The following COL11A1 variants were observed in gnomAD, a reference collection of about 807,000 sequenced individuals.
The protein encoded by COL11A1 is collagen type XI alpha 1 chain.
A neutral mutation model predicts 265.2 loss-of-function variants in COL11A1; 74 were observed. The observed-to-expected ratio is 0.28, with a 90% confidence interval of 0.23 to 0.34. COL11A1 has a LOEUF of 0.34. Among genes scored for constraint, COL11A1 ranks in the 10% least tolerant of loss-of-function variants. The pLI is 1.00. For missense variants in COL11A1, 2,165 were observed against 2,263.6 expected (o/e 0.96, Z 0.88); for synonymous variants, 816 against 727.6 (o/e 1.12, Z -1.96).
chr1:103,070,098 T>C (rs1418388641), intron 4 of COL11A1, among the ~76,000 whole-genome samples: 1 of 151,478 alleles, frequency 6.6e-6, no homozygotes, highest in Non-Finnish European at 1.5e-5. Context: ...GACATGAATG[T>C]TTATAGTGGC....
rs771410443 is a variant in COL11A1, at chr1:102,921,478, A to G, written c.3708+40T>C. 122 of 1,502,834 alleles carry G rather than the reference A, an allele frequency of 8.1e-5. 2 individuals carry two copies. In the South Asian group the frequency reaches 1.3e-3, roughly 16 times the overall value. 93.1% of individuals were successfully genotyped at this position (1,502,834 alleles called of 1,614,324 possible). A position where few individuals can be genotyped will look rare whatever the true frequency, so the allele number is the denominator to read the frequency against. Reference sequence around the variant, plus strand: ...TCTGCTATAAAATAACAATACCTATATAACTTCAAAATAATTAACATATAT... The same window carrying G: ...TCTGCTATAAAATAACAATACCTATGTAACTTCAAAATAATTAACATATAT... On this transcript the variant is annotated intron_variant, in intron 48 of 66. Transcript: ENST00000370096.
chr1:102,899,147 A>T (rs981242672), intron 54 of COL11A1, among the ~76,000 whole-genome samples, 153 bp from the exon 55 acceptor site: 1 of 151,954 alleles, frequency 6.6e-6, no homozygotes, highest in African/African-American at 2.4e-5. Flanking sequence ...ACGAAAATCA[A>T]AACCCATTTT....
rs75851277 is a variant in COL11A1 at position 102,942,603 on chromosome 1, A to G, written c.3277-2169T>C. On this transcript the variant is annotated intron_variant, in intron 42 of 66. Coordinates refer to ENST00000370096, the MANE Select transcript of COL11A1 (RefSeq NM_001854.4). The stretch of plus-strand genomic sequence containing the variant: ...TCTTTCCTTAAAAAATGATAGAATT[A>G]GCTAAACATCCCCATGTCTTTTGTT... Among the ~76,000 whole-genome samples the G allele has an allele frequency of 9.0e-3, 1,369 of 152,274 alleles. 21 individuals carry two copies. Among genetic ancestry groups the G allele is most frequent in the African/African-American group, 0.031 (1,306 of 41,558 alleles).
chr1:102,978,597 T>C, intron 35 of COL11A1, 111 bp downstream of exon 35: 1 of 1,152,498 alleles, frequency 8.7e-7, no homozygotes, highest in Non-Finnish European at 1.3e-6. Context: ...AGACTAGATT[T>C]TGTGGATAGA....
intron 59 of COL11A1, among the ~76,000 whole-genome samples, chr1:102,889,148 A>G (rs895488722): frequency 3.9e-5 from 6 of 152,218 alleles, no homozygotes; most frequent in African/African-American, 1.4e-4. Flanking sequence ...TTTGTTTTCA[A>G]TCTATATGTG....
At chr1:102,935,201 A>G in intron 44 of COL11A1, 88 bp from the exon 45 acceptor site, 3 of 1,048,602 alleles carry the variant, frequency 2.9e-6, no homozygotes, top group Non-Finnish European at 4.4e-6. Context: ...TACCAAGATC[A>G]AACACTTCTG....
intron 15 of COL11A1, 58 bp from the exon 16 acceptor site, chr1:103,006,373 T>A (rs1665614383): frequency 2.2e-6 from 3 of 1,335,864 alleles, no homozygotes; most frequent in Admixed American, 3.7e-5. Flanking sequence ...ATAAACTCAA[T>A]AGCATCAAGA....
chr1:102,988,158 T>C (rs1205928201), intron 29 of COL11A1, among the ~76,000 whole-genome samples: 1 of 152,092 alleles, frequency 6.6e-6, no homozygotes, highest in Non-Finnish European at 1.5e-5. Context: ...TTTCAGACTT[T>C]TGCATTTCTG....
Position 103,006,595 on chromosome 1 carries a change from C to T in COL11A1, c.1684-280G>A, listed in dbSNP as rs12742130. On this transcript the variant is annotated intron_variant, in intron 15 of 66. Transcript: ENST00000370096. ...CTCTGTCGCCTAGGCTGGAGCCCAG[C>T]GGCGCGATCTCGGCTCACTGCAAGC... Among the ~76,000 whole-genome samples the T allele has an allele frequency of 7.0e-4, 98 of 139,194 alleles. 1 individual carries two copies. The highest frequency in any genetic ancestry group is 2.5e-3 in the African/African-American group (90 of 36,500). 91.3% of individuals were successfully genotyped at this position (139,194 alleles called of 152,430 possible). A position where few individuals can be genotyped will look rare whatever the true frequency, so the allele number is the denominator to read the frequency against.
intron 4 of COL11A1, among the ~76,000 whole-genome samples, chr1:103,052,531 T>G (rs1029216520): frequency 9.2e-5 from 14 of 152,218 alleles, no homozygotes; most frequent in Non-Finnish European, 1.6e-4. Context: ...TTGAATATTT[T>G]TATGTCTTTA....
At chr1:102,999,561 G>A (rs951055615) in intron 24 of COL11A1, among the ~76,000 whole-genome samples, 5 of 151,218 alleles carry the variant, frequency 3.3e-5, no homozygotes, top group Non-Finnish European at 5.9e-5. Flanking sequence ...GGATGTATTT[G>A]GTATATTTAT....
chr1:103,017,967 C>T (rs1447784899), intron 10 of COL11A1, 85 bp from the exon 11 acceptor site: 16 of 1,077,336 alleles, frequency 1.5e-5, no homozygotes, highest in East Asian at 7.1e-5. Flanking sequence ...TCGAAGAGTT[C>T]GTTTATATTT....
At chr1:103,065,522 CAAAAAAAAA>C (rs138446065) in intron 4 of COL11A1, among the ~76,000 whole-genome samples, 1 of 35,350 alleles carries the variant, frequency 2.8e-5, no homozygotes, top group South Asian at 2.0e-3. Flanking sequence ...GACTCCGTCT[CAAAAAAAAA>C]AAAAAAAAAA....
chr1:103,024,325 T>A (rs888585338), intron 7 of COL11A1, among the ~76,000 whole-genome samples: 2 of 152,142 alleles, frequency 1.3e-5, no homozygotes, highest in Admixed American at 1.3e-4. Context: ...AAAGACAGGA[T>A]CTTATTGTAT....
chr1:103,070,580 G>C (rs1237796069), intron 4 of COL11A1, among the ~76,000 whole-genome samples: 1 of 151,838 alleles, frequency 6.6e-6, no homozygotes, highest in Non-Finnish European at 1.5e-5. Context: ...AAGATGATAA[G>C]GAATCTCTTG....
At chr1:102,978,965 G>T in intron 33 of COL11A1, 52 bp from the exon 34 acceptor site, 2 of 1,610,710 alleles carry the variant, frequency 1.2e-6, no homozygotes, top group Non-Finnish European at 1.7e-6. Flanking sequence ...CAAATCCAAA[G>T]ACACTAAATC....
Position 103,008,321 on chromosome 1 carries a change from T to C in COL11A1, c.1683+142A>G, listed in dbSNP as rs1571017859. ...TCGTAATCAGTTTTCTCTGAATTTT[T>C]TAATTTCAAAATAAACCCTCATACA... On this transcript the variant is annotated intron_variant, in intron 15 of 66. Transcript: ENST00000370096. 3.2e-5 allele frequency: 22 copies of C among 683,028 alleles called. No homozygotes were observed. In the East Asian group the frequency reaches 6.0e-4, roughly 19 times the overall value. 42.3% of individuals were successfully genotyped at this position (683,028 alleles called of 1,614,324 possible). A position where few individuals can be genotyped will look rare whatever the true frequency, so the allele number is the denominator to read the frequency against.
rs1055419783 is a variant in COL11A1, at chr1:103,108,243, TC to T, written c.-66del. The T allele has an allele frequency of 6.9e-6, 9 of 1,298,854 alleles. No homozygotes were observed. The Admixed American group carries it at 1.4e-4, about 20-fold the overall frequency. The allele number at this position is 1,298,854 out of a possible 1,614,324, so 80.5% of individuals were successfully genotyped here. A position where few individuals can be genotyped will look rare whatever the true frequency, so the allele number is the denominator to read the frequency against. ...AAATTGCGACTGCAGACCAACTTCG[TC>T]CTTTCCAAGGTATCGCCAGGGATGT... On this transcript the variant is annotated 5_prime_UTR_variant, in exon 1 of 67. Coordinates refer to ENST00000370096, the MANE Select transcript of COL11A1 (RefSeq NM_001854.4).
In COL11A1 at chr1:103,006,271, A is replaced by G; in HGVS notation, c.1728T>C (p.Pro576=). Residue 576 remains proline, a synonymous_variant, in exon 16 of 67, where the codon CCT becomes CCC. Transcript: ENST00000370096. ...TGAAAATAAGCCATACCCTTTTTCC[A>G]GGTTTTCCCGTTGGACCAGGGGGAC... ...VQGPPGPTGK[P]GKRGRPGADG... 1.2e-6 allele frequency: 2 copies of G among 1,608,466 alleles called. No homozygotes were observed. Among genetic ancestry groups the G allele is most frequent in the Non-Finnish European group, 1.7e-6 (2 of 1,177,218 alleles).
Sources: gnomAD v4.1 joint callset for allele counts (sites outside exome capture counted in the v4.1 genomes callset) on GRCh38, gnomAD v4.1.1 for gene constraint, MANE v1.5 for transcripts, NCBI Gene and HGNC (gene_info 2026-07-23, HGNC 2026-07-21) for gene names.